TLK1: variants seen among roughly 807,000 people sequenced by gnomAD.
The protein encoded by TLK1 is serine/threonine-protein kinase tousled-like 1.
A neutral mutation model predicts 105.3 loss-of-function variants in TLK1; 24 were observed. That is an observed-to-expected ratio of 0.23 (90% CI 0.17 to 0.32). TLK1 has a LOEUF of 0.32. Ranked by LOEUF, TLK1 falls within the 10% of genes least tolerant of loss-of-function variation. The pLI is 1.00. For synonymous variants in TLK1, 321 were observed against 310.4 expected (o/e 1.03, Z -0.36); for missense variants, 558 against 910.5 (o/e 0.61, Z 4.98).
chr2:171,190,821 T>C (rs964122900), intron 1 of TLK1, among the ~76,000 whole-genome samples: 61 of 152,216 alleles, frequency 4.0e-4, no homozygotes, highest in Admixed American at 2.3e-3. Context: ...AAAATCTAAT[T>C]TATTGTGATT....
intron 1 of TLK1, among the ~76,000 whole-genome samples, chr2:171,186,352 T>C (rs2105310661): frequency 6.6e-6 from 1 of 152,336 alleles, no homozygotes; most frequent in South Asian, 2.1e-4. Flanking sequence ...CTCTTCCTGA[T>C]TACCAGTGAT....
intron 1 of TLK1, among the ~76,000 whole-genome samples, chr2:171,157,297 T>C (rs1181194170): frequency 3.3e-5 from 5 of 152,238 alleles, no homozygotes; most frequent in Admixed American, 6.5e-5. Flanking sequence ...CTAGCCAATA[T>C]GACACTAGGT....
rs113490616 is a variant in TLK1 at position 171,121,787 on chromosome 2, T to C, written c.140-3930A>G. Reference sequence around the variant, plus strand: ...CTAGATCAGTAAATAATAATATATTTTGTTTCCTATTGTTTTTCCCAGATA... The same window carrying C: ...CTAGATCAGTAAATAATAATATATTCTGTTTCCTATTGTTTTTCCCAGATA... On this transcript the variant is annotated intron_variant, in intron 1 of 20. Transcript: ENST00000431350. 2.7e-3 allele frequency among the ~76,000 whole-genome samples: 408 copies of C among 152,260 alleles called. 3 individuals are homozygous for C. Among genetic ancestry groups the C allele is most frequent in the African/African-American group, 9.2e-3 (384 of 41,546 alleles).
chr2:171,066,733 A>G (rs1688015247), intron 3 of TLK1: 5 of 1,155,284 alleles, frequency 4.3e-6, no homozygotes, highest in South Asian at 1.6e-5. Context: ...TACGTAGTCT[A>G]TTTCCTGGCA....
chr2:171,015,014 C>G (rs1389155353), intron 12 of TLK1, 66 bp from the exon 13 acceptor site: 2 of 1,226,060 alleles, frequency 1.6e-6, no homozygotes, highest in African/African-American at 3.0e-5. Flanking sequence ...GATATTTTTA[C>G]CCATGCATCA....
chr2:171,085,804 A>AT (rs1688946791), intron 2 of TLK1, among the ~76,000 whole-genome samples: 1 of 152,208 alleles, frequency 6.6e-6, no homozygotes, highest in African/African-American at 2.4e-5. Flanking sequence ...AATATGACTT[A>AT]TTGTTGATCA....
rs1022593626 is a variant in TLK1 at position 171,081,584 on chromosome 2, T to C, written c.330+1197A>G. The C allele has an allele frequency of 4.1e-5, 49 of 1,200,920 alleles. 1 individual carries two copies. In the Middle Eastern group the frequency reaches 6.8e-4, roughly 17 times the overall value. 74.4% of individuals were successfully genotyped at this position (1,200,920 alleles called of 1,614,324 possible). ...TTTCAAAGGCTTAGTATAAGTATGT[T>C]AATTTTTTAAAAACTAAACTGATAA... On this transcript the variant is annotated intron_variant, in intron 3 of 20. Coordinates refer to ENST00000431350, the MANE Select transcript of TLK1 (RefSeq NM_012290.5).
rs551514513 is a variant in TLK1, at chr2:171,151,496, A to G, written c.139+8794T>C. Among the ~76,000 whole-genome samples, 3 of 121,556 alleles carry G rather than the reference A, an allele frequency of 2.5e-5. No individual in the cohort carries two copies. The East Asian group carries it at 7.0e-4, about 29-fold the overall frequency. The allele number at this position is 121,556 out of a possible 152,430, so 79.7% of individuals were successfully genotyped here. ...TTTTTTTTTTTTTTTTTTTTTTGAG[A>G]CGGAGTCTTGCTCTGTCGCCCAGGC... On this transcript the variant is annotated intron_variant, in intron 1 of 20. Transcript: ENST00000431350.
intron 1 of TLK1, among the ~76,000 whole-genome samples, chr2:171,141,858 G>C (rs1242541930): frequency 6.6e-6 from 1 of 152,042 alleles, no homozygotes; most frequent in African/African-American, 2.4e-5. Context: ...AACCCAGCTA[G>C]AAGCCTGGAA....
intron 12 of TLK1, 30 bp from the exon 13 acceptor site, chr2:171,014,978 G>C: frequency 6.7e-7 from 1 of 1,498,286 alleles, no homozygotes; most frequent in Non-Finnish European, 9.3e-7. Context: ...ACTATAACAA[G>C]CTCAATTTAT....
At chr2:171,182,937 AAG>A (rs781366197) in intron 1 of TLK1, among the ~76,000 whole-genome samples, 3,791 of 143,428 alleles carry the variant, frequency 0.026, 224 homozygotes, top group East Asian at 0.24. Context: ...AAAAAAAAAA[AAG>A]AAAGAAAGAA....
At chr2:171,173,470 C>T (rs958373703) in intron 1 of TLK1, among the ~76,000 whole-genome samples, 4 of 152,024 alleles carry the variant, frequency 2.6e-5, no homozygotes, top group Admixed American at 2.6e-4. Context: ...TGACTGCAGC[C>T]CCAAACTCCT....
intron 11 of TLK1, among the ~76,000 whole-genome samples, chr2:171,041,617 T>C (rs1475721720): frequency 1.3e-5 from 2 of 152,184 alleles, no homozygotes; most frequent in Non-Finnish European, 2.9e-5. Flanking sequence ...TGTATGCTGC[T>C]TATGAAAATA....
chr2:170,996,402 T>G (rs900858726), intron 20 of TLK1, among the ~76,000 whole-genome samples: 1 of 152,150 alleles, frequency 6.6e-6, no homozygotes, highest in African/African-American at 2.4e-5. Context: ...ATCTTGTGAT[T>G]TTTCCCTAAT....
At chr2:171,151,563 C>T (rs1300198680) in intron 1 of TLK1, among the ~76,000 whole-genome samples, 1 of 151,048 alleles carries the variant, frequency 6.6e-6, no homozygotes, top group Non-Finnish European at 1.5e-5. Context: ...CAAGCTCTGC[C>T]TCCCAGGTTC....
chr2:171,112,582 C>T (rs1575603756), intron 2 of TLK1, among the ~76,000 whole-genome samples: 1 of 152,254 alleles, frequency 6.6e-6, no homozygotes, highest in African/African-American at 2.4e-5. Flanking sequence ...ACACAGCATT[C>T]AAGGTCATGA....
intron 2 of TLK1, among the ~76,000 whole-genome samples, chr2:171,107,981 T>C (rs1690000306): frequency 6.6e-6 from 1 of 150,742 alleles, no homozygotes; most frequent in African/African-American, 2.5e-5. Flanking sequence ...CACTTGAGCC[T>C]AGGAGGCAGA....
At chr2:171,040,422 C>A (rs1009645316) in intron 11 of TLK1, among the ~76,000 whole-genome samples, 21 of 152,090 alleles carry the variant, frequency 1.4e-4, no homozygotes, top group African/African-American at 4.6e-4. Context: ...CGTGTGGGGA[C>A]AGGGGTTAGG....
At chr2:171,183,060 GT>G (rs2105308786) in intron 1 of TLK1, among the ~76,000 whole-genome samples, 1 of 152,202 alleles carries the variant, frequency 6.6e-6, no homozygotes, top group African/African-American at 2.4e-5. Flanking sequence ...TTTTCTGTAA[GT>G]TTGAAGTTGT....
Sources: allele counts gnomAD v4.1 joint callset (sites outside exome capture counted in the v4.1 genomes callset), GRCh38; gene constraint gnomAD v4.1.1; transcripts MANE v1.5; gene names NCBI Gene and HGNC (gene_info 2026-07-23, HGNC 2026-07-21).